AMBRA1: variants seen among roughly 807,000 people sequenced by gnomAD.
The protein encoded by AMBRA1 is autophagy and beclin 1 regulator 1.
Under a neutral mutation model 125.4 loss-of-function variants are expected in AMBRA1, and 47 were observed. The observed-to-expected ratio is 0.37, with a 90% confidence interval of 0.30 to 0.48. AMBRA1 has a LOEUF of 0.48. Among genes scored for constraint, AMBRA1 ranks in the 20% least tolerant of loss-of-function variants. The pLI is 0.99. For synonymous variants in AMBRA1, 626 were observed against 655.5 expected (o/e 0.95, Z 0.69); for missense variants, 1,331 against 1,693.4 (o/e 0.79, Z 3.76).
At chr11:46,468,091 T>C (rs996026923) in intron 11 of AMBRA1, among the ~76,000 whole-genome samples, 4 of 152,148 alleles carry the variant, frequency 2.6e-5, no homozygotes, top group African/African-American at 9.7e-5. Context: ...GTGACAGGTA[T>C]ATTGGAAACC....
intron 11 of AMBRA1, among the ~76,000 whole-genome samples, chr11:46,478,514 G>A (rs977708698): frequency 3.3e-5 from 5 of 152,100 alleles, no homozygotes; most frequent in African/African-American, 1.2e-4. Flanking sequence ...AAGAGAAAAG[G>A]TAGTTTCCCT....
chr11:46,552,225 C>T (rs1340605467), intron 1 of AMBRA1, among the ~76,000 whole-genome samples: 10 of 148,774 alleles, frequency 6.7e-5, no homozygotes, highest in Admixed American at 1.3e-4. Flanking sequence ...AAAAATTAGC[C>T]GGGCGTGGTG....
At chr11:46,467,637 C>T (rs1949386654) in intron 11 of AMBRA1, among the ~76,000 whole-genome samples, 1 of 151,706 alleles carries the variant, frequency 6.6e-6, no homozygotes, top group South Asian at 2.1e-4. Context: ...CAACCTCTGC[C>T]TCCTGGGTTC....
At chr11:46,504,798 T>C (rs748444337) in intron 9 of AMBRA1, 1 of 152,214 alleles carries the variant, frequency 6.6e-6, no homozygotes, top group Admixed American at 6.5e-5. Flanking sequence ...TGGTGGTACA[T>C]CATTTTCAAA....
At position 46,397,062 on chromosome 11, in the gene AMBRA1, G is replaced by C. The variant is rs907034945; in HGVS notation, c.*388C>G. 1 of 166,194 alleles carries C rather than the reference G, an allele frequency of 6.0e-6. No individual in the cohort carries two copies. Among genetic ancestry groups the C allele is most frequent in the Non-Finnish European group, 1.3e-5 (1 of 77,690 alleles). The allele number at this position is 166,194 out of a possible 1,614,324, so 10.3% of individuals were successfully genotyped here. ...GGTGGACAGGGCAAAGCTGCCTCGC[G>C]GGCCTCTGTCCAGGATGATTGGCCC... On this transcript the variant is annotated 3_prime_UTR_variant, in exon 18 of 18. Coordinates refer to ENST00000683756, the MANE Select transcript of AMBRA1 (RefSeq NM_001387011.1).
chr11:46,517,573 G>A (rs1169870459), intron 7 of AMBRA1, among the ~76,000 whole-genome samples: 4 of 131,056 alleles, frequency 3.1e-5, no homozygotes, highest in African/African-American at 8.7e-5. Flanking sequence ...AGTGGCTCAC[G>A]CCTGTAATCC....
intron 7 of AMBRA1, among the ~76,000 whole-genome samples, chr11:46,525,362 C>T (rs1016072263): frequency 2.0e-5 from 3 of 151,822 alleles, no homozygotes; most frequent in African/African-American, 7.3e-5. Flanking sequence ...GAGGTCAAGG[C>T]GGGTGGATCA....
chr11:46,476,531 T>TATTCACAGCATGCAAATAAGCAC (rs144676248), intron 11 of AMBRA1, among the ~76,000 whole-genome samples: 3 of 151,882 alleles, frequency 2.0e-5, no homozygotes, highest in African/African-American at 4.8e-5. Context: ...GCCAGAAACT[T>TATTCACAGCATGCAAATAAGCAC]ATTCACAGCA....
chr11:46,448,999 C>T (rs1004977470), intron 11 of AMBRA1, among the ~76,000 whole-genome samples: 1 of 152,100 alleles, frequency 6.6e-6, no homozygotes, highest in Non-Finnish European at 1.5e-5. Context: ...CTAAATTCTA[C>T]CAAACATTTA....
At chr11:46,430,394 A>T (rs1411439783) in intron 14 of AMBRA1, among the ~76,000 whole-genome samples, 4 of 152,166 alleles carry the variant, frequency 2.6e-5, no homozygotes, top group Non-Finnish European at 4.4e-5. Context: ...AAATGAAGAA[A>T]TCTTGTTTTA....
intron 1 of AMBRA1, among the ~76,000 whole-genome samples, chr11:46,589,287 T>C (rs760055723): frequency 6.6e-6 from 1 of 152,290 alleles, no homozygotes; most frequent in Non-Finnish European, 1.5e-5. Flanking sequence ...CACATTAACT[T>C]GGGGGAGCCT....
At chr11:46,439,354 G>C (rs972666153) in intron 12 of AMBRA1, among the ~76,000 whole-genome samples, 1 of 151,972 alleles carries the variant, frequency 6.6e-6, no homozygotes, top group Non-Finnish European at 1.5e-5. Flanking sequence ...TAATCAGACA[G>C]ATCACTAGAA....
chr11:46,570,707 A>T (rs922765632), intron 1 of AMBRA1, among the ~76,000 whole-genome samples: 1 of 152,284 alleles, frequency 6.6e-6, no homozygotes, highest in African/African-American at 2.4e-5. Context: ...TAATGATACA[A>T]CACTGGGTTT....
chr11:46,410,666 A>G (rs1341170348), intron 15 of AMBRA1, among the ~76,000 whole-genome samples: 2 of 152,250 alleles, frequency 1.3e-5, no homozygotes, highest in Admixed American at 6.5e-5. Flanking sequence ...AATAGCAACA[A>G]CAGATACAGG....
intron 11 of AMBRA1, among the ~76,000 whole-genome samples, chr11:46,454,083 G>A (rs944432657): frequency 1.3e-5 from 2 of 152,164 alleles, no homozygotes; most frequent in African/African-American, 4.8e-5. Flanking sequence ...GAGGCCAAAG[G>A]CACTGGATCA....
At chr11:46,567,937 C>T (rs1849687646) in intron 1 of AMBRA1, among the ~76,000 whole-genome samples, 1 of 151,912 alleles carries the variant, frequency 6.6e-6, no homozygotes, top group African/African-American at 2.4e-5. Context: ...CACTTGACAT[C>T]AGGGGTCTGA....
intron 1 of AMBRA1, among the ~76,000 whole-genome samples, chr11:46,549,592 A>G (rs1271963831): frequency 1.3e-5 from 2 of 152,140 alleles, no homozygotes; most frequent in East Asian, 1.9e-4. Context: ...CATAACCACA[A>G]TAACAATACT....
Position 46,542,629 on chromosome 11 carries a change from T to A in AMBRA1, c.1388A>T (p.Tyr463Phe), listed in dbSNP as rs749140064. ...QQEGGSQASV[Y>F]TSATEGRGFP... ...ACCCCTCCCTTCTGTGGCTGAAGTG[T>A]ACACAGATGCCTGAGAGCCACCTTC... Residue 463 changes from tyrosine to phenylalanine, a missense_variant, in exon 7 of 18, where the codon TAC (tyrosine) becomes TTC (phenylalanine). By Grantham distance (22) the Tyr-to-Phe change is conservative (BLOSUM62 3). Transcript: ENST00000683756. The surrounding 1 kb of genome is among the most constrained non-coding windows in gnomAD (Gnocchi z 5.9). The A allele has an allele frequency of 1.9e-6, 3 of 1,614,100 alleles. No homozygotes were observed. The highest frequency in any genetic ancestry group is 2.5e-6 in the Non-Finnish European group (3 of 1,180,022).
At chr11:46,573,781 G>C (rs1242763356) in intron 1 of AMBRA1, among the ~76,000 whole-genome samples, 6 of 148,564 alleles carry the variant, frequency 4.0e-5, no homozygotes, top group African/African-American at 1.3e-4. Flanking sequence ...TCATCATCTA[G>C]CATTAGGTAT....
Sources: allele counts gnomAD v4.1 joint callset (sites outside exome capture counted in the v4.1 genomes callset), GRCh38; gene constraint gnomAD v4.1.1; non-coding constraint Gnocchi (gnomAD v3.1); transcripts MANE v1.5; gene names NCBI Gene and HGNC (gene_info 2026-07-23, HGNC 2026-07-21).